The following CREB5 variants were observed in gnomAD, a reference collection of about 807,000 sequenced individuals.
CREB5 encodes cAMP responsive element binding protein 5.
A neutral mutation model predicts 57.1 loss-of-function variants in CREB5; 19 were observed. The observed-to-expected ratio is 0.33, with a 90% CI of 0.23 to 0.49. CREB5 has a LOEUF of 0.49. Among genes scored for constraint, CREB5 ranks in the 20% least tolerant of loss-of-function variants. The pLI is 0.99. For synonymous variants in CREB5, 238 were observed against 238.3 expected, an observed-to-expected ratio of 1.00 and a Z score of 0.01; for missense variants, 579 against 671.6, an observed-to-expected ratio of 0.86 and a Z score of 1.52.
In CREB5 at chr7:28,821,759, A is replaced by T. The variant is rs986255490; in HGVS notation, c.*2480A>T. 1 of 152,522 alleles carries T rather than the reference A, an allele frequency of 6.6e-6. No individual in the cohort carries two copies. The highest frequency in any genetic ancestry group is 2.4e-5 in the African/African-American group (1 of 41,448). 9.4% of individuals were successfully genotyped at this position (152,522 alleles called of 1,614,324 possible). A position where few individuals can be genotyped will look rare whatever the true frequency, so the allele number is the denominator to read the frequency against. ...TATGTGTCTCCCCTCCCCTCCACAA[A>T]AAGGAGAAAGAGTGCATTAAAATGT... On this transcript the variant is annotated 3_prime_UTR_variant, in exon 11 of 11. Transcript: ENST00000357727.
chr7:28,353,614 C>T (rs917867617), intron 1 of CREB5, among the ~76,000 whole-genome samples: 5 of 151,950 alleles, frequency 3.3e-5, no homozygotes, highest in Non-Finnish European at 7.4e-5. Flanking sequence ...GAGGCCGAGG[C>T]GGGCAGATCA....
chr7:28,496,917 G>C (rs1352150303), intron 3 of CREB5, among the ~76,000 whole-genome samples: 2 of 152,148 alleles, frequency 1.3e-5, no homozygotes, highest in Non-Finnish European at 2.9e-5. Context: ...GATTAGGAAG[G>C]ATGGCCTATT....
intron 5 of CREB5, among the ~76,000 whole-genome samples, chr7:28,666,578 C>A (rs995225730): frequency 1.3e-5 from 2 of 151,804 alleles, no homozygotes; most frequent in Non-Finnish European, 2.9e-5. Flanking sequence ...ACGCCATGGA[C>A]CAGATAGCCC....
intron 5 of CREB5, among the ~76,000 whole-genome samples, chr7:28,622,253 T>TCA (rs1189292812): frequency 2.8e-5 from 4 of 140,608 alleles, no homozygotes; most frequent in African/African-American, 8.5e-5. Context: ...TCTCTCTCTC[T>TCA]CTCTCTCACA....
intron 1 of CREB5, among the ~76,000 whole-genome samples, chr7:28,443,635 T>G (rs1165408329): frequency 1.3e-5 from 2 of 152,198 alleles, no homozygotes; most frequent in African/African-American, 4.8e-5. Flanking sequence ...TACCTGTATG[T>G]GTTAAGGTTC....
intron 7 of CREB5, among the ~76,000 whole-genome samples, chr7:28,779,459 A>G (rs1806847720): frequency 6.6e-6 from 1 of 152,164 alleles, no homozygotes; most frequent in South Asian, 2.1e-4. Flanking sequence ...CAAATAATGC[A>G]TTTTTCTAAA....
At chr7:28,701,868 A>C in intron 5 of CREB5, among the ~76,000 whole-genome samples, 1 of 152,260 alleles carries the variant, frequency 6.6e-6, no homozygotes, top group East Asian at 1.9e-4. Flanking sequence ...AATAATAAAA[A>C]GAGAAATACT....
intron 4 of CREB5, among the ~76,000 whole-genome samples, chr7:28,516,791 A>C (rs951493299): frequency 6.6e-6 from 1 of 152,202 alleles, no homozygotes; most frequent in Non-Finnish European, 1.5e-5. Context: ...ACCTGTCCCA[A>C]GGCAGGCAAG....
chr7:28,617,736 A>C (rs12700893), intron 5 of CREB5, among the ~76,000 whole-genome samples: 104,980 of 152,114 alleles, frequency 0.69, 36,935 homozygotes, highest in East Asian at 0.98. Context: ...CTTAAAGAAT[A>C]ATAGAGGGGG....
At chr7:28,481,259 C>T (rs887716760) in intron 1 of CREB5, among the ~76,000 whole-genome samples, 7 of 152,146 alleles carry the variant, frequency 4.6e-5, no homozygotes, top group African/African-American at 1.4e-4. Flanking sequence ...TAAAGTGTGA[C>T]GCAATCCCAA....
chr7:28,343,003 C>G (rs545890481), intron 1 of CREB5, among the ~76,000 whole-genome samples: 9 of 151,990 alleles, frequency 5.9e-5, no homozygotes, highest in Admixed American at 2.6e-4. Flanking sequence ...TGCAGTGGCA[C>G]AATCTGGGCT....
At chr7:28,637,358 G>A (rs1303330914) in intron 5 of CREB5, among the ~76,000 whole-genome samples, 1 of 151,948 alleles carries the variant, frequency 6.6e-6, no homozygotes, top group African/African-American at 2.4e-5. Context: ...CTCTTTTGGG[G>A]GCTTTTTATG....
chr7:28,457,809 G>GC lies in CREB5; in HGVS notation c.4-30363dup, dbSNP rs535152119. On this transcript the variant is annotated intron_variant, in intron 1 of 10. Transcript: ENST00000357727. ...TGACTTAGGACAGAATCTTGGGCCA[G>GC]CCCTATTGAGAAAAGGTTTAACCTG... Among the ~76,000 whole-genome samples, 61 of 152,280 alleles carry GC rather than the reference G, an allele frequency of 4.0e-4. No homozygotes were observed. The Middle Eastern group carries it at 0.014, about 34-fold the overall frequency.
At position 28,507,661 on chromosome 7, in the gene CREB5, T is replaced by A; in HGVS notation, c.215T>A (p.Val72Glu). The A allele has an allele frequency of 1.2e-6, 2 of 1,610,064 alleles. No individual in the cohort carries two copies. The highest frequency in any genetic ancestry group is 8.5e-7 in the Non-Finnish European group (1 of 1,177,580). Reference protein sequence around the residue: ...PTRFLKNCEEVGLFSELDCSL... With the variant: ...PTRFLKNCEEEGLFSELDCSL... ...AGATTCCTGAAGAACTGCGAGGAGG[T>A]GGGCCTCTTCAGCGAGCTGGACTGC... The change falls in exon 4 of 11, where the codon GTG becomes GAG. Residue 72 changes from valine (V) to glutamate (E), a missense_variant. Transcript: ENST00000357727.
chr7:28,739,858 T>G (rs925831103), intron 7 of CREB5, among the ~76,000 whole-genome samples: 2 of 152,224 alleles, frequency 1.3e-5, no homozygotes, highest in African/African-American at 4.8e-5. Context: ...CTTACAGCTT[T>G]AGGGTCCAGC....
intron 4 of CREB5, among the ~76,000 whole-genome samples, chr7:28,533,788 C>T (rs1793838796): frequency 6.6e-6 from 1 of 152,180 alleles, no homozygotes; most frequent in African/African-American, 2.4e-5. Context: ...TGTGAGGTTC[C>T]CATCCCAAGT....
chr7:28,417,824 T>G (rs1788087158), intron 1 of CREB5, among the ~76,000 whole-genome samples: 1 of 152,220 alleles, frequency 6.6e-6, no homozygotes, highest in African/African-American at 2.4e-5. Flanking sequence ...TAAGAAAATA[T>G]AACTGATAAA....
At chr7:28,442,278 T>C (rs1010243240) in intron 1 of CREB5, among the ~76,000 whole-genome samples, 1 of 152,146 alleles carries the variant, frequency 6.6e-6, no homozygotes, top group African/African-American at 2.4e-5. Context: ...GATTTCATTC[T>C]TTTTTATGAC....
intron 7 of CREB5, among the ~76,000 whole-genome samples, chr7:28,776,832 A>G (rs926853781): frequency 2.0e-5 from 3 of 152,208 alleles, no homozygotes; most frequent in Admixed American, 6.5e-5. Context: ...TTTCACTTAC[A>G]TAATGTTTTT....
Sources: gnomAD v4.1 joint callset for allele counts (sites outside exome capture counted in the v4.1 genomes callset) on GRCh38, gnomAD v4.1.1 for gene constraint, MANE v1.5 for transcripts, NCBI Gene and HGNC (gene_info 2026-07-23, HGNC 2026-07-21) for gene names.